Variants in PDZRN4 observed in about 807,000 individuals in gnomAD.
PDZRN4 encodes PDZ domain-containing RING finger protein 4.
A neutral mutation model predicts 99.0 loss-of-function variants in PDZRN4; 70 were observed. The observed-to-expected ratio is 0.71, with a 90% confidence interval of 0.58 to 0.86. PDZRN4 has a LOEUF of 0.86. PDZRN4 is among the 40% of genes least tolerant of loss of function. The pLI is 0.00. For missense variants in PDZRN4, 1,474 were observed against 1,331.2 expected (o/e 1.11, Z -1.67); for synonymous variants, 551 against 501.6 (o/e 1.10, Z -1.32).
chr12:41,567,551 A>G (rs1012711488), intron 8 of PDZRN4, among the ~76,000 whole-genome samples: 2 of 151,798 alleles, frequency 1.3e-5, no homozygotes, highest in Non-Finnish European at 2.9e-5. Flanking sequence ...TTACTTGGTT[A>G]TGAGAGAAAA....
intron 3 of PDZRN4, among the ~76,000 whole-genome samples, chr12:41,285,834 C>T (rs1951418717): frequency 6.6e-6 from 1 of 151,382 alleles, no homozygotes; most frequent in Non-Finnish European, 1.5e-5. Context: ...GGGAACATCA[C>T]ACAGTGGGGC....
At chr12:41,191,949 A>G (rs1451668667) in intron 2 of PDZRN4, among the ~76,000 whole-genome samples, 1 of 151,004 alleles carries the variant, frequency 6.6e-6, no homozygotes, top group Non-Finnish European at 1.5e-5. Context: ...CACCCGGCTA[A>G]TTTTTTGTAT....
chr12:41,535,127 T>C (rs1938727518), intron 5 of PDZRN4, among the ~76,000 whole-genome samples: 1 of 152,258 alleles, frequency 6.6e-6, no homozygotes, highest in Admixed American at 6.5e-5. Context: ...TCTTTACTTA[T>C]ATTTGCAATC....
intron 5 of PDZRN4, among the ~76,000 whole-genome samples, chr12:41,511,310 G>A (rs1938300435): frequency 6.6e-6 from 1 of 151,892 alleles, no homozygotes; most frequent in African/African-American, 2.4e-5. Context: ...AATACAGACA[G>A]ATTTCCTTAC....
At position 41,274,178 on chromosome 12, in the gene PDZRN4, G is replaced by T. The variant is rs150439337; in HGVS notation, c.843+79990G>T. 1.3e-4 allele frequency among the ~76,000 whole-genome samples: 20 copies of T among 152,062 alleles called. 1 individual carries two copies. The East Asian group carries it at 3.3e-3, about 25-fold the overall frequency. ...CAAAAAGTAGGTCATCCTAATGAGT[G>T]TGTGTAAAGCTGGTATTTTCCTTTT... On this transcript the variant is annotated intron_variant, in intron 3 of 9. Coordinates refer to ENST00000402685, the MANE Select transcript of PDZRN4 (RefSeq NM_001164595.2).
Position 41,277,675 on chromosome 12 carries a change from G to A in PDZRN4, c.843+83487G>A, listed in dbSNP as rs191457586. ...TGACACTAATCTAGAGTTACTGCTG[G>A]AACGAAAGTCTAACCTCCAACTGAA... On this transcript the variant is annotated intron_variant, in intron 3 of 9. Coordinates refer to ENST00000402685, the MANE Select transcript of PDZRN4 (RefSeq NM_001164595.2). 1.2e-4 allele frequency among the ~76,000 whole-genome samples: 19 copies of A among 152,280 alleles called. No individual in the cohort carries two copies. The East Asian group carries it at 3.7e-3, about 29-fold the overall frequency.
intron 3 of PDZRN4, among the ~76,000 whole-genome samples, chr12:41,314,471 G>A (rs944990734): frequency 2.6e-5 from 4 of 152,198 alleles, no homozygotes; most frequent in Admixed American, 1.3e-4. Flanking sequence ...ATTTACAGAT[G>A]TAGAATATGC....
intron 5 of PDZRN4, among the ~76,000 whole-genome samples, chr12:41,532,654 T>C (rs1195104035): frequency 6.6e-6 from 1 of 152,198 alleles, no homozygotes; most frequent in African/African-American, 2.4e-5. Flanking sequence ...CAATATTACA[T>C]AGTAGGTAAG....
At chr12:41,247,410 C>T (rs973227088) in intron 3 of PDZRN4, among the ~76,000 whole-genome samples, 10 of 152,152 alleles carry the variant, frequency 6.6e-5, no homozygotes, top group Admixed American at 5.9e-4. Context: ...TTTTAACAAG[C>T]TGATATTTAC....
At chr12:41,284,797 C>T (rs1017099427) in intron 3 of PDZRN4, among the ~76,000 whole-genome samples, 1 of 152,032 alleles carries the variant, frequency 6.6e-6, no homozygotes, top group Non-Finnish European at 1.5e-5. Flanking sequence ...GGAAAGCTGG[C>T]TAGCCATATG....
intron 3 of PDZRN4, among the ~76,000 whole-genome samples, chr12:41,364,554 C>G (rs965130642): frequency 2.6e-5 from 4 of 152,060 alleles, no homozygotes; most frequent in African/African-American, 9.7e-5. Flanking sequence ...CATGTCTTTT[C>G]AAAATTTAGA....
intron 7 of PDZRN4, 53 bp from the exon 8 acceptor site, chr12:41,563,495 T>C: frequency 2.4e-6 from 3 of 1,230,394 alleles, no homozygotes; most frequent in South Asian, 1.2e-5. Context: ...CCATTTATTG[T>C]GTGCAGCATT....
intron 3 of PDZRN4, among the ~76,000 whole-genome samples, chr12:41,289,180 A>G (rs1438216373): frequency 6.6e-6 from 1 of 152,122 alleles, no homozygotes; most frequent in African/African-American, 2.4e-5. Flanking sequence ...TGCTGTCTTG[A>G]ACTAAGTATC....
intron 3 of PDZRN4, among the ~76,000 whole-genome samples, chr12:41,304,244 T>C (rs1328574905): frequency 3.3e-5 from 5 of 152,198 alleles, no homozygotes; most frequent in Non-Finnish European, 7.3e-5. Context: ...TAGCTTTGTA[T>C]GATATCAGAT....
intron 3 of PDZRN4, among the ~76,000 whole-genome samples, chr12:41,411,261 C>T (rs1330311171): frequency 6.6e-6 from 1 of 152,000 alleles, no homozygotes; most frequent in Non-Finnish European, 1.5e-5. Context: ...ACTGTTACCC[C>T]CAGATATAAG....
At chr12:41,279,823 G>T (rs1330272682) in intron 3 of PDZRN4, among the ~76,000 whole-genome samples, 1 of 152,182 alleles carries the variant, frequency 6.6e-6, no homozygotes, top group Non-Finnish European at 1.5e-5. Flanking sequence ...AAGCCCACCT[G>T]CAAGGCATAT....
chr12:41,228,965 G>GA (rs1211527210), intron 3 of PDZRN4, among the ~76,000 whole-genome samples: 1 of 152,000 alleles, frequency 6.6e-6, no homozygotes, highest in African/African-American at 2.4e-5. Context: ...TTAACGCTTA[G>GA]ATTCTTAAAG....
At chr12:41,405,139 T>G (rs1230996779) in intron 3 of PDZRN4, among the ~76,000 whole-genome samples, 1 of 151,924 alleles carries the variant, frequency 6.6e-6, no homozygotes, top group Non-Finnish European at 1.5e-5. Context: ...AAAGAGCTTC[T>G]GCACAACAAG....
intron 5 of PDZRN4, among the ~76,000 whole-genome samples, chr12:41,520,078 C>G (rs2120711629): frequency 6.6e-6 from 1 of 152,140 alleles, no homozygotes; most frequent in African/African-American, 2.4e-5. Context: ...CTAGAATATC[C>G]CCTCTTCTCT....
Sources: gnomAD v4.1 joint callset for allele counts (sites outside exome capture counted in the v4.1 genomes callset) on GRCh38, gnomAD v4.1.1 for gene constraint, MANE v1.5 for transcripts, NCBI Gene and HGNC (gene_info 2026-07-23, HGNC 2026-07-21) for gene names.